Variants in BRINP3 observed in about 807,000 individuals in gnomAD.
BRINP3 encodes the protein BMP/retinoic acid inducible neural specific 3.
In BRINP3, 19 loss-of-function variants were observed where a neutral mutation model predicts 71.0. That is an observed-to-expected ratio of 0.27 (90% CI 0.19 to 0.39). The LOEUF is 0.39. Among genes scored for constraint, BRINP3 ranks in the 10% least tolerant of loss-of-function variants. The probability of loss-of-function intolerance (pLI) is 1.00; values close to 1 mark genes in which losing one functional copy is unlikely to be tolerated. For synonymous variants in BRINP3, 380 were observed against 337.7 expected, an observed-to-expected ratio of 1.13 and a Z score of -1.37; for missense variants, 959 against 940.8, an observed-to-expected ratio of 1.02 and a Z score of -0.25.
chr1:190,221,283 TAA>T (rs1656870230), intron 6 of BRINP3, among the ~76,000 whole-genome samples: 1 of 152,094 alleles, frequency 6.6e-6, no homozygotes, highest in African/African-American at 2.4e-5. Context: ...TGAGTGGAGT[TAA>T]AGTGTAAAAT....
At chr1:190,246,843 A>G (rs1376575194) in intron 4 of BRINP3, among the ~76,000 whole-genome samples, 1 of 151,962 alleles carries the variant, frequency 6.6e-6, no homozygotes, top group East Asian at 1.9e-4. Flanking sequence ...AAAACTTGTT[A>G]CAAATCTATT....
At chr1:190,129,836 G>A (rs188184936) in intron 7 of BRINP3, among the ~76,000 whole-genome samples, 1,747 of 151,974 alleles carry the variant, frequency 0.011, 22 homozygotes, top group Non-Finnish European at 0.015. Context: ...TAATAATCAT[G>A]ATAAATATAT....
intron 2 of BRINP3, among the ~76,000 whole-genome samples, chr1:190,394,676 A>T (rs1197820124): frequency 6.6e-6 from 1 of 151,670 alleles, no homozygotes; most frequent in Non-Finnish European, 1.5e-5. Flanking sequence ...CACAAACTGC[A>T]TTCTGCTATC....
chr1:190,346,377 T>C (rs1391440772), intron 2 of BRINP3, among the ~76,000 whole-genome samples: 2 of 152,062 alleles, frequency 1.3e-5, no homozygotes, highest in Non-Finnish European at 2.9e-5. Context: ...TGTTAATATA[T>C]AGTTAGTTGT....
chr1:190,131,044 T>C (rs780999013), intron 7 of BRINP3, among the ~76,000 whole-genome samples: 5 of 151,828 alleles, frequency 3.3e-5, no homozygotes, highest in East Asian at 1.9e-4. Flanking sequence ...TCATTACTCA[T>C]TGTGAGTCTA....
intron 7 of BRINP3, among the ~76,000 whole-genome samples, chr1:190,158,054 C>A (rs914106970): frequency 2.0e-5 from 3 of 152,080 alleles, no homozygotes; most frequent in Admixed American, 1.3e-4. Context: ...TAAGTGGGAA[C>A]TGATATAGTT....
chr1:190,134,522 C>G (rs757810050), intron 7 of BRINP3, among the ~76,000 whole-genome samples: 3 of 151,984 alleles, frequency 2.0e-5, no homozygotes, highest in Non-Finnish European at 4.4e-5. Context: ...ATGACAAAGA[C>G]TAGTTATGAT....
chr1:190,371,606 G>A (rs1252153876), intron 2 of BRINP3, among the ~76,000 whole-genome samples: 1 of 152,142 alleles, frequency 6.6e-6, no homozygotes, highest in African/African-American at 2.4e-5. Context: ...GTCAGGTAGT[G>A]TGACGGCTAC....
chr1:190,110,651 T>C (rs1259723965), intron 7 of BRINP3, among the ~76,000 whole-genome samples: 2 of 152,152 alleles, frequency 1.3e-5, no homozygotes, highest in African/African-American at 4.8e-5. Flanking sequence ...TGAAGTGACC[T>C]GAATCAGGAT....
chr1:190,439,769 T>C (rs1288070756), intron 2 of BRINP3, among the ~76,000 whole-genome samples: 1 of 151,962 alleles, frequency 6.6e-6, no homozygotes, highest in Non-Finnish European at 1.5e-5. Context: ...AGTAATATTA[T>C]ATTAACCTCT....
chr1:190,477,814 AAG>A lies in BRINP3; in HGVS notation c.-419_-418del, dbSNP rs963210394. 1 of 152,268 alleles carries A rather than the reference AAG, an allele frequency of 6.6e-6. No homozygotes were observed. The highest frequency in any genetic ancestry group is 2.4e-5 in the African/African-American group (1 of 41,436). The allele number at this position is 152,268 out of a possible 1,614,324, so 9.4% of individuals were successfully genotyped here. A position where few individuals can be genotyped will look rare whatever the true frequency, so the allele number is the denominator to read the frequency against. ...GAGGTGGAATACAGATAAATCTGCA[AAG>A]AGAAGTAAAAGGATGTGTTGAAGAC... is the stretch of plus-strand genomic sequence containing the variant. On this transcript the variant is annotated 5_prime_UTR_variant, in exon 1 of 8. Coordinates refer to ENST00000367462, the MANE Select transcript of BRINP3 (RefSeq NM_199051.3).
chr1:190,369,824 A>G (rs1414810475), intron 2 of BRINP3, among the ~76,000 whole-genome samples: 1 of 152,178 alleles, frequency 6.6e-6, no homozygotes, highest in Non-Finnish European at 1.5e-5. Flanking sequence ...AATGCTTCAT[A>G]ATGTTAAATA....
At chr1:190,153,631 T>C (rs1450755671) in intron 7 of BRINP3, among the ~76,000 whole-genome samples, 2 of 152,216 alleles carry the variant, frequency 1.3e-5, no homozygotes, top group Non-Finnish European at 2.9e-5. Flanking sequence ...TCATATAAAA[T>C]TGCTTTCAGC....
At chr1:190,424,663 G>T (rs1673587671) in intron 2 of BRINP3, among the ~76,000 whole-genome samples, 1 of 151,634 alleles carries the variant, frequency 6.6e-6, no homozygotes. Flanking sequence ...ACAGTGAACA[G>T]TAAGAGTAGT....
chr1:190,420,853 G>GATGTTAGAA (rs1558271231), intron 2 of BRINP3, among the ~76,000 whole-genome samples: 1 of 151,792 alleles, frequency 6.6e-6, no homozygotes. Flanking sequence ...GTTAGAAAAA[G>GATGTTAGAA]ACAATGTTTC....
At chr1:190,462,277 A>G (rs1459681721) in intron 1 of BRINP3, among the ~76,000 whole-genome samples, 1 of 152,182 alleles carries the variant, frequency 6.6e-6, no homozygotes, top group Non-Finnish European at 1.5e-5. Context: ...ATTATTAATT[A>G]TTAGCTTTGG....
At chr1:190,459,676 C>A (rs1676252103) in intron 1 of BRINP3, among the ~76,000 whole-genome samples, 1 of 151,876 alleles carries the variant, frequency 6.6e-6, no homozygotes, top group East Asian at 1.9e-4. Flanking sequence ...TGTATCATTT[C>A]TTTTTTTGTA....
At chr1:190,222,694 G>A (rs915485520) in intron 6 of BRINP3, among the ~76,000 whole-genome samples, 5 of 151,260 alleles carry the variant, frequency 3.3e-5, no homozygotes, top group Admixed American at 2.0e-4. Context: ...AATGAAAAAG[G>A]GAAATAAATG....
chr1:190,434,500 A>G (rs1441981031), intron 2 of BRINP3, among the ~76,000 whole-genome samples: 4 of 151,988 alleles, frequency 2.6e-5, no homozygotes, highest in Admixed American at 1.3e-4. Flanking sequence ...CTTTCTCAGG[A>G]CTTATTGAGG....
Sources: gnomAD v4.1 joint callset for allele counts (sites outside exome capture counted in the v4.1 genomes callset) on GRCh38, gnomAD v4.1.1 for gene constraint, MANE v1.5 for transcripts, NCBI Gene and HGNC (gene_info 2026-07-23, HGNC 2026-07-21) for gene names.